The following NTM variants were observed in gnomAD, a reference collection of about 807,000 sequenced individuals.
NTM encodes neurotrimin, also known as IgLON family member 2.
Under a neutral mutation model 42.1 loss-of-function variants are expected in NTM, and 13 were observed. The ratio of observed to expected loss-of-function variants is 0.31; its 90% CI spans 0.20 to 0.49. The LOEUF is 0.49. NTM is among the 20% of genes least tolerant of loss of function. The probability of loss-of-function intolerance (pLI) is 0.99; values close to 1 mark genes in which losing one functional copy is unlikely to be tolerated. For missense variants in NTM, 373 were observed against 452.8 expected (o/e 0.82, Z 1.60); for synonymous variants, 187 against 179.2 (o/e 1.04, Z -0.35).
intron 1 of NTM, among the ~76,000 whole-genome samples, chr11:131,599,558 T>C (rs765898203): frequency 6.6e-6 from 1 of 152,256 alleles, no homozygotes; most frequent in Non-Finnish European, 1.5e-5. Context: ...TTGGCCATAT[T>C]ATTTATGTAT....
At chr11:131,865,970 T>A (rs28414792) in intron 1 of NTM, among the ~76,000 whole-genome samples, 1 of 29,130 alleles carries the variant, frequency 3.4e-5, no homozygotes, top group African/African-American at 1.1e-4. Context: ...ATGCTACACA[T>A]ACACCTCCCA....
intron 1 of NTM, among the ~76,000 whole-genome samples, chr11:131,733,151 T>A (rs1339795885): frequency 6.6e-6 from 1 of 152,186 alleles, no homozygotes; most frequent in Non-Finnish European, 1.5e-5. Flanking sequence ...CGGAATAACT[T>A]ATTGACAAAT....
At chr11:132,250,444 C>T (rs1052896495) in intron 4 of NTM, among the ~76,000 whole-genome samples, 3 of 152,112 alleles carry the variant, frequency 2.0e-5, no homozygotes, top group Non-Finnish European at 2.9e-5. Context: ...AATTCTCAGC[C>T]ATTGTCTCTT....
intron 1 of NTM, among the ~76,000 whole-genome samples, chr11:131,372,693 ACTGGAGACAAT>A (rs1039345034): frequency 6.6e-6 from 1 of 151,982 alleles, no homozygotes; most frequent in African/African-American, 2.4e-5. Flanking sequence ...GTAACATCAA[ACTGGAGACAAT>A]GACCAAACTT....
At chr11:131,587,091 C>G (rs1479458199) in intron 1 of NTM, among the ~76,000 whole-genome samples, 1 of 152,160 alleles carries the variant, frequency 6.6e-6, no homozygotes, top group Non-Finnish European at 1.5e-5. Flanking sequence ...ATTGTATTAT[C>G]TCATTTTATT....
At chr11:131,469,298 A>G (rs1952193666) in intron 1 of NTM, among the ~76,000 whole-genome samples, 1 of 152,208 alleles carries the variant, frequency 6.6e-6, no homozygotes, top group South Asian at 2.1e-4. Context: ...TAAGGGTTTT[A>G]CATATATTAT....
intron 1 of NTM, among the ~76,000 whole-genome samples, chr11:131,434,032 G>C (rs1280600476): frequency 6.6e-6 from 1 of 152,134 alleles, no homozygotes; most frequent in African/African-American, 2.4e-5. Context: ...CCACCTATGA[G>C]TGAGAACATG....
intron 1 of NTM, among the ~76,000 whole-genome samples, chr11:131,676,346 T>C (rs2071379956): frequency 1.3e-5 from 2 of 152,182 alleles, no homozygotes; most frequent in South Asian, 2.1e-4. Context: ...GGGAGCAATC[T>C]GTTCAATATA....
intron 1 of NTM, among the ~76,000 whole-genome samples, chr11:131,695,048 G>A (rs2075277545): frequency 6.6e-6 from 1 of 152,160 alleles, no homozygotes; most frequent in South Asian, 2.1e-4. Flanking sequence ...GCCGCCGCCG[G>A]GAGGGTGCAG....
intron 1 of NTM, among the ~76,000 whole-genome samples, chr11:131,396,030 A>G (rs1341815062): frequency 6.6e-6 from 1 of 152,288 alleles, no homozygotes; most frequent in South Asian, 2.1e-4. Context: ...AGGGGGCAGA[A>G]AGGGTTCTGG....
chr11:131,733,471 CTT>C (rs1565480636), intron 1 of NTM, among the ~76,000 whole-genome samples: 20 of 110,804 alleles, frequency 1.8e-4, no homozygotes, highest in Non-Finnish European at 1.8e-5. Flanking sequence ...TCTTTCCTTC[CTT>C]CCTTCCTTCC....
intron 1 of NTM, among the ~76,000 whole-genome samples, chr11:131,885,107 T>C (rs1201096661): frequency 6.6e-6 from 1 of 152,212 alleles, no homozygotes; most frequent in African/African-American, 2.4e-5. Flanking sequence ...GCCACGGCTC[T>C]GAGGAGTGAG....
chr11:132,259,844 G>A (rs758640466), intron 4 of NTM, among the ~76,000 whole-genome samples: 2 of 151,880 alleles, frequency 1.3e-5, no homozygotes, highest in African/African-American at 4.8e-5. Flanking sequence ...CCGCCTCCCA[G>A]ATCAAGCAAT....
intron 2 of NTM, among the ~76,000 whole-genome samples, chr11:131,994,752 C>T (rs1175168030): frequency 1.3e-5 from 2 of 152,192 alleles, no homozygotes; most frequent in South Asian, 2.1e-4. Context: ...CTTCCCTGGA[C>T]ACCAGATCTA....
intron 2 of NTM, among the ~76,000 whole-genome samples, chr11:132,111,289 G>A (rs992364920): frequency 4.0e-5 from 6 of 151,036 alleles, no homozygotes; most frequent in South Asian, 2.1e-4. Context: ...ATAAATATAT[G>A]TATTTTTTAT....
chr11:131,493,237 T>A (rs939837749), intron 1 of NTM, among the ~76,000 whole-genome samples: 11 of 152,048 alleles, frequency 7.2e-5, no homozygotes, highest in Non-Finnish European at 1.6e-4. Flanking sequence ...AGACACTGTC[T>A]CAAATAAAGC....
At chr11:131,449,954 C>T (rs965319112) in intron 1 of NTM, among the ~76,000 whole-genome samples, 6 of 152,148 alleles carry the variant, frequency 3.9e-5, no homozygotes, top group African/African-American at 1.2e-4. Flanking sequence ...TACTCACGCA[C>T]GCATTGGATT....
chr11:131,849,522 C>T (rs1246675599), intron 1 of NTM, among the ~76,000 whole-genome samples: 3 of 152,050 alleles, frequency 2.0e-5, no homozygotes, highest in Non-Finnish European at 4.4e-5. Flanking sequence ...ACAAGGACAG[C>T]AGCAAGCCAT....
At chr11:131,656,893 G>A (rs2067255505) in intron 1 of NTM, among the ~76,000 whole-genome samples, 3 of 152,078 alleles carry the variant, frequency 2.0e-5, no homozygotes, top group Admixed American at 2.0e-4. Context: ...ATTGCACGTG[G>A]AATCTGCTCT....
Sources: gnomAD v4.1 joint callset for allele counts (sites outside exome capture counted in the v4.1 genomes callset) on GRCh38, gnomAD v4.1.1 for gene constraint, MANE v1.5 for transcripts, NCBI Gene and HGNC (gene_info 2026-07-23, HGNC 2026-07-21) for gene names.